The following DIP2C variants were observed in gnomAD, a reference collection of about 807,000 sequenced individuals.
The protein encoded by DIP2C is DIP2 acetate--CoA ligase C (putative).
DIP2C carries 33 observed loss-of-function variants against 192.4 expected under a neutral mutation model. The observed-to-expected ratio is 0.17, with a 90% CI of 0.13 to 0.23. The LOEUF (loss-of-function observed/expected upper bound fraction) is 0.23. Ranked by LOEUF, DIP2C falls within the 10% of genes least tolerant of loss-of-function variation. DIP2C has a pLI of 1.00. For missense variants in DIP2C, 1,537 were observed against 2,110.1 expected (o/e 0.73, Z 5.32); for synonymous variants, 979 against 864.1 (o/e 1.13, Z -2.33).
chr10:361,867 G>A (rs1178359322), intron 22 of DIP2C, among the ~76,000 whole-genome samples: 1 of 152,148 alleles, frequency 6.6e-6, no homozygotes, highest in Non-Finnish European at 1.5e-5. Context: ...CCCACAGAAT[G>A]TGGTGAAATG....
rs1849425326 is a variant in DIP2C at position 565,636 on chromosome 10, G to A, written c.86-79106C>T. On this transcript the variant is annotated intron_variant, in intron 1 of 36. Coordinates refer to ENST00000280886, the MANE Select transcript of DIP2C (RefSeq NM_014974.3). ...TAAAGGAATAAGGATGTAAAATGGT[G>A]TGTTTCCCGTTTGCTACATGTAAGC... Among the ~76,000 whole-genome samples the A allele has an allele frequency of 2.0e-5, 3 of 152,208 alleles. No individual in the cohort carries two copies. The South Asian group carries it at 6.2e-4, about 31-fold the overall frequency.
chr10:633,113 G>A (rs1036449354), intron 1 of DIP2C, among the ~76,000 whole-genome samples: 7 of 152,216 alleles, frequency 4.6e-5, no homozygotes, highest in Non-Finnish European at 7.3e-5. Flanking sequence ...TACCTCAACC[G>A]GGATCAATTT....
intron 1 of DIP2C, among the ~76,000 whole-genome samples, chr10:580,210 ATAATG>A (rs1835067366): frequency 6.6e-6 from 1 of 150,900 alleles, no homozygotes; most frequent in South Asian, 2.1e-4. Context: ...GCACATATAT[ATAATG>A]TATATATGTC....
At chr10:616,281 C>T (rs114187667) in intron 1 of DIP2C, among the ~76,000 whole-genome samples, 114 of 152,340 alleles carry the variant, frequency 7.5e-4, no homozygotes, top group African/African-American at 2.7e-3. Context: ...GTAATAGCTC[C>T]TATTTACGTT....
In DIP2C at chr10:674,789, T is replaced by TAGAGAGAG. The variant is rs1554772102; in HGVS notation, c.85+14697_85+14704dup. On this transcript the variant is annotated intron_variant, in intron 1 of 36. Transcript: ENST00000280886. ...CATCTCAAATATATATATATATATA[T>TAGAGAGAG]AGAGAGAGAGAGAGAGAGAGAGAGA... is the stretch of plus-strand genomic sequence containing the variant. Among the ~76,000 whole-genome samples, 110 of 62,482 alleles carry TAGAGAGAG rather than the reference T, an allele frequency of 1.8e-3. 1 individual carries two copies. Among genetic ancestry groups the TAGAGAGAG allele is most frequent in the African/African-American group, 2.0e-3 (22 of 11,058 alleles). 41.0% of individuals were successfully genotyped at this position (62,482 alleles called of 152,430 possible).
chr10:309,999 A>C lies in DIP2C; in HGVS notation c.3986+32T>G, dbSNP rs187332353. ...GGCCGCAGAACAAAACAAAAAAAGG[A>C]AAAAAAGAAAAAACCCAGAAGTGTA... On this transcript the variant is annotated intron_variant, in intron 32 of 36. Coordinates refer to ENST00000280886, the MANE Select transcript of DIP2C (RefSeq NM_014974.3). The C allele has an allele frequency of 3.2e-3, 5,134 of 1,606,860 alleles. 19 individuals are homozygous for C. Among genetic ancestry groups the C allele is most frequent in the Middle Eastern group, 0.014 (82 of 6,034 alleles).
intron 1 of DIP2C, among the ~76,000 whole-genome samples, chr10:639,114 GC>G (rs1854994640): frequency 6.6e-6 from 1 of 151,406 alleles, no homozygotes; most frequent in African/African-American, 2.4e-5. Context: ...GGAGGATGCT[GC>G]CCGGCTCACA....
intron 8 of DIP2C, among the ~76,000 whole-genome samples, chr10:409,353 C>T (rs1965029959): frequency 6.6e-6 from 1 of 152,158 alleles, no homozygotes; most frequent in African/African-American, 2.4e-5. Context: ...CGTCACAGGG[C>T]TGGGATCTGC....
At chr10:602,205 C>G (rs751883039) in intron 1 of DIP2C, among the ~76,000 whole-genome samples, 1 of 152,210 alleles carries the variant, frequency 6.6e-6, no homozygotes, top group Admixed American at 6.5e-5. Flanking sequence ...CCTAAAGTGT[C>G]AGTTCTCAAA....
At chr10:296,385 A>G (rs577331675) in intron 32 of DIP2C, among the ~76,000 whole-genome samples, 1 of 152,122 alleles carries the variant, frequency 6.6e-6, no homozygotes, top group African/African-American at 2.4e-5. Context: ...AAGTCAGGAA[A>G]CAACAGGTGC....
chr10:669,844 TA>T (rs1480970279), intron 1 of DIP2C, among the ~76,000 whole-genome samples: 1 of 152,240 alleles, frequency 6.6e-6, no homozygotes, highest in African/African-American at 2.4e-5. Context: ...GAAACATTCA[TA>T]CCAATGTTTA....
intron 4 of DIP2C, among the ~76,000 whole-genome samples, chr10:433,192 T>TA (rs1231168509): frequency 1.3e-5 from 2 of 152,244 alleles, no homozygotes; most frequent in African/African-American, 2.4e-5. Context: ...AAAGGGGTGT[T>TA]AAAGTCTCCA....
At chr10:561,942 G>A (rs1192201083) in intron 1 of DIP2C, among the ~76,000 whole-genome samples, 5 of 152,198 alleles carry the variant, frequency 3.3e-5, no homozygotes, top group African/African-American at 9.7e-5. Flanking sequence ...GTGCGGCTCC[G>A]CTGAGACCCT....
At chr10:451,801 C>G (rs1384788782) in intron 3 of DIP2C, among the ~76,000 whole-genome samples, 1 of 152,162 alleles carries the variant, frequency 6.6e-6, no homozygotes, top group East Asian at 1.9e-4. Context: ...TAACACAAAG[C>G]AATCATGTGG....
intron 17 of DIP2C, among the ~76,000 whole-genome samples, chr10:371,859 T>C (rs529980593): frequency 6.6e-6 from 1 of 152,324 alleles, no homozygotes; most frequent in South Asian, 2.1e-4. Flanking sequence ...AACCACTCAG[T>C]GTGTGGTACT....
chr10:316,207 C>A (rs1028798494), intron 31 of DIP2C, among the ~76,000 whole-genome samples: 2 of 152,096 alleles, frequency 1.3e-5, no homozygotes, highest in Non-Finnish European at 2.9e-5. Context: ...CTTTGCAGGT[C>A]TTTTAAATTT....
chr10:507,618 T>C (rs1845706585), intron 1 of DIP2C, among the ~76,000 whole-genome samples: 1 of 152,246 alleles, frequency 6.6e-6, no homozygotes, highest in Non-Finnish European at 1.5e-5. Context: ...TCCAGTGTCA[T>C]CTCAGCTTCC....
At chr10:510,130 C>A (rs916078323) in intron 1 of DIP2C, among the ~76,000 whole-genome samples, 1 of 152,232 alleles carries the variant, frequency 6.6e-6, no homozygotes, top group Admixed American at 6.5e-5. Context: ...CCGTACAACA[C>A]GCATGACCAC....
In DIP2C at chr10:680,323, G is replaced by A. The variant is rs145774118; in HGVS notation, c.85+9171C>T. ...CACACGCACGGCCTGACATGAGCCC[G>A]GCCTCCTGCAGCACTGGGCCAAGCG... On this transcript the variant is annotated intron_variant, in intron 1 of 36. Coordinates refer to ENST00000280886, the MANE Select transcript of DIP2C (RefSeq NM_014974.3). Among the ~76,000 whole-genome samples the A allele has an allele frequency of 3.2e-3, 494 of 152,290 alleles. 2 individuals carry two copies. Among genetic ancestry groups the A allele is most frequent in the African/African-American group, 0.011 (445 of 41,556 alleles).
Sources: gnomAD v4.1 joint callset for allele counts (sites outside exome capture counted in the v4.1 genomes callset) on GRCh38, gnomAD v4.1.1 for gene constraint, MANE v1.5 for transcripts, NCBI Gene and HGNC (gene_info 2026-07-23, HGNC 2026-07-21) for gene names.